Variants in GTPBP1 observed in about 807,000 individuals in gnomAD.
GTPBP1 encodes the protein GTP-binding protein 1.
GTPBP1 carries 23 observed loss-of-function variants against 62.0 expected under a neutral mutation model. That is an observed-to-expected ratio of 0.37 (90% CI 0.27 to 0.53). The LOEUF (loss-of-function observed/expected upper bound fraction) is 0.53, where lower values mean the gene tolerates loss of function less well. Among genes scored for constraint, GTPBP1 ranks in the 20% least tolerant of loss-of-function variants. The pLI is 0.89. For missense variants in GTPBP1, 640 were observed against 917.3 expected, an observed-to-expected ratio of 0.70 and a Z score of 3.90; for synonymous variants, 344 against 364.4, an observed-to-expected ratio of 0.94 and a Z score of 0.64.
At chr22:38,715,863 G>T (rs933439559) in intron 2 of GTPBP1, 44 bp from the exon 3 acceptor site, 13 of 1,542,112 alleles carry the variant, frequency 8.4e-6, no homozygotes, top group Non-Finnish European at 1.1e-5. Context: ...AGGCTGGTTG[G>T]TCAGGACTCC....
In GTPBP1 at chr22:38,716,146, C is replaced by T; in HGVS notation, c.485+59C>T. 3.6e-6 allele frequency: 5 copies of T among 1,378,018 alleles called. No homozygotes were observed. The highest frequency in any genetic ancestry group is 5.0e-6 in the Non-Finnish European group (5 of 991,598). 85.4% of individuals were successfully genotyped at this position (1,378,018 alleles called of 1,614,324 possible). On this transcript the variant is annotated intron_variant, in intron 3 of 11. Transcript: ENST00000216044. The surrounding 1 kb of genome is among the most constrained non-coding windows in gnomAD (Gnocchi z 5.2). ...TTCTTCACAGAGGTTGGTGACTGAG[C>T]CTGTGGCACTTGGCGTGTCAGCTCC...
downstream of GTPBP1, chr22:38,741,589 G>A (rs2145971130): frequency 1.2e-6 from 2 of 1,613,120 alleles, no homozygotes. Flanking sequence ...ACGGGAGTGA[G>A]AGGACAGGTT....
At chr22:38,717,194 C>T (rs1348172618) in intron 4 of GTPBP1, among the ~76,000 whole-genome samples, 194 bp downstream of exon 4, 1 of 152,176 alleles carries the variant, frequency 6.6e-6, no homozygotes, top group Non-Finnish European at 1.5e-5. Flanking sequence ...TTGATCTCTC[C>T]CTTACATTAG....
downstream of GTPBP1, chr22:38,738,698 C>T: frequency 6.2e-7 from 1 of 1,613,712 alleles, no homozygotes. The surrounding 1 kb of genome is among the most constrained non-coding windows in gnomAD (Gnocchi z 6.6). Context: ...AGAGGCGGAC[C>T]ACGGCGAAGC....
At position 38,726,177 on chromosome 22, in the gene GTPBP1, G is replaced by A. The variant is rs200037616; in HGVS notation, c.1218+27G>A. 58 of 1,609,254 alleles carry A rather than the reference G, an allele frequency of 3.6e-5. No homozygotes were observed. The highest frequency in any genetic ancestry group is 4.8e-5 in the Non-Finnish European group (57 of 1,176,080). Reference sequence around the variant, plus strand: ...TAAGTGGCTCTGGGCGGGTAGCTGGGTGGGCACTTCCTACAGTGGCATCAG... The same window carrying A: ...TAAGTGGCTCTGGGCGGGTAGCTGGATGGGCACTTCCTACAGTGGCATCAG... On this transcript the variant is annotated intron_variant, in intron 7 of 11. Transcript: ENST00000216044. The surrounding 1 kb of genome is among the most constrained non-coding windows in gnomAD (Gnocchi z 4.1).
At chr22:38,723,484 C>T in intron 5 of GTPBP1, 1 of 813,434 alleles carries the variant, frequency 1.2e-6, no homozygotes, top group Non-Finnish European at 2.1e-6. Context: ...CTCAGAGTAG[C>T]CTTCCCACAG....
At chr22:38,714,045 G>A (rs2092654932) in intron 2 of GTPBP1, among the ~76,000 whole-genome samples, 1 of 152,210 alleles carries the variant, frequency 6.6e-6, no homozygotes, top group Admixed American at 6.5e-5. Context: ...AGCGGGGGAC[G>A]GGGTGGGGAG....
At chr22:38,706,571 G>T in intron 1 of GTPBP1, 1 of 167,792 alleles carries the variant, frequency 6.0e-6, no homozygotes, top group East Asian at 1.6e-4. Context: ...ACAGCAGAGG[G>T]GCGAGGGGGC....
At chr22:38,741,685 T>G (rs1410219454), downstream of GTPBP1, 5 of 967,268 alleles carry the variant, frequency 5.2e-6, no homozygotes, top group African/African-American at 4.8e-5. Flanking sequence ...TCCAGAGCCC[T>G]GGCTCTCAGC....
chr22:38,721,295 C>A (rs981543112), intron 4 of GTPBP1, among the ~76,000 whole-genome samples: 1 of 152,198 alleles, frequency 6.6e-6, no homozygotes, highest in Admixed American at 6.5e-5. Flanking sequence ...TCAGGCTGGT[C>A]GCGAACTCCC....
Position 38,730,878 on chromosome 22 carries a change from G to A in GTPBP1, c.*174G>A, listed in dbSNP as rs542528174. 7 of 559,148 alleles carry A rather than the reference G, an allele frequency of 1.3e-5. No individual in the cohort carries two copies. Among genetic ancestry groups the A allele is most frequent in the South Asian group, 6.5e-5 (3 of 45,894 alleles). The allele number at this position is 559,148 out of a possible 1,614,324, so 34.6% of individuals were successfully genotyped here. Reference sequence around the variant, plus strand: ...GGGGGGTTGTAATTTATAAGCTGACGAAGGTAGCCAGACTTCCGGAGGACT... The same window carrying A: ...GGGGGGTTGTAATTTATAAGCTGACAAAGGTAGCCAGACTTCCGGAGGACT... On this transcript the variant is annotated 3_prime_UTR_variant, in exon 12 of 12. Coordinates refer to ENST00000216044, the MANE Select transcript of GTPBP1 (RefSeq NM_004286.5). The surrounding 1 kb of genome is among the most constrained non-coding windows in gnomAD (Gnocchi z 5.6).
Position 38,730,623 on chromosome 22 carries a change from C to T in GTPBP1, c.1929C>T (p.Ser643=). Residue 643 remains serine (S), a synonymous_variant, in exon 12 of 12, where the codon AGC becomes AGT. Transcript: ENST00000216044. The surrounding 1 kb of genome is among the most constrained non-coding windows in gnomAD (Gnocchi z 5.6). ...TCTCTCTCTTTCAGCCTAAGCCCAG[C>T]AGTGGAGGCCGGCGACGAGGGGGCC... The part of the protein sequence containing the change: ...SSNLQPQPKP[S]SGGRRRGGQR... 1 of 1,603,522 alleles carries T rather than the reference C, an allele frequency of 6.2e-7. No homozygotes were observed. Among genetic ancestry groups the T allele is most frequent in the Non-Finnish European group, 8.5e-7 (1 of 1,176,550 alleles).
rs1162772418 is a variant in GTPBP1, at chr22:38,731,011, TGTGTGTGTG to T, written c.*308_*316del. On this transcript the variant is annotated 3_prime_UTR_variant, in exon 12 of 12. Transcript: ENST00000216044. ...ATTATATGTCTCTGTCTCTCTCTAT[TGTGTGTGTG>T]TGTGTGTGTGTGTGTGTGTGTGTGT... The T allele has an allele frequency of 0.025, 1,516 of 60,460 alleles. 26 individuals carry two copies. Among genetic ancestry groups the T allele is most frequent in the African/African-American group, 0.09 (1,295 of 14,422 alleles). The allele number at this position is 60,460 out of a possible 1,614,324, so 3.7% of individuals were successfully genotyped here.
At chr22:38,729,872 C>G (rs1230451586) in intron 11 of GTPBP1, among the ~76,000 whole-genome samples, 2 of 152,164 alleles carry the variant, frequency 1.3e-5, no homozygotes, top group Non-Finnish European at 2.9e-5. Flanking sequence ...CCACCTGAAA[C>G]CAGTTTAATT....
intron 10 of GTPBP1, chr22:38,728,936 T>C (rs947670883): frequency 2.6e-5 from 4 of 152,928 alleles, no homozygotes; most frequent in East Asian, 1.9e-4. Flanking sequence ...TGTTTCCAGC[T>C]GAGGAGACAT....
intron 1 of GTPBP1, chr22:38,706,981 TCAGA>T (rs1400507035): frequency 6.6e-6 from 1 of 152,090 alleles, no homozygotes; most frequent in African/African-American, 2.4e-5. Context: ...AACTTGGGAG[TCAGA>T]CAGGGCTGGG....
At chr22:38,713,344 A>G (rs761835951) in intron 2 of GTPBP1, among the ~76,000 whole-genome samples, 6 of 152,134 alleles carry the variant, frequency 3.9e-5, no homozygotes, top group African/African-American at 7.2e-5. Context: ...ACTTGAAGTG[A>G]CGGCGTCAGA....
In GTPBP1 at chr22:38,715,754, A is replaced by T. The variant is rs548658288; in HGVS notation, c.305-153A>T. Reference sequence around the variant, plus strand: ...TCATGTTTTAACTTGGTGTGTGCCCAGGTTTTCTCTCAGGTAGAGAGGACC... The same window carrying T: ...TCATGTTTTAACTTGGTGTGTGCCCTGGTTTTCTCTCAGGTAGAGAGGACC... On this transcript the variant is annotated intron_variant, in intron 2 of 11. Coordinates refer to ENST00000216044, the MANE Select transcript of GTPBP1 (RefSeq NM_004286.5). Among the ~76,000 whole-genome samples, 3 of 152,128 alleles carry T rather than the reference A, an allele frequency of 2.0e-5. No homozygotes were observed. The South Asian group carries it at 6.2e-4, about 32-fold the overall frequency.
At chr22:38,719,052 C>G (rs531752250) in intron 4 of GTPBP1, among the ~76,000 whole-genome samples, 2 of 152,152 alleles carry the variant, frequency 1.3e-5, no homozygotes, top group African/African-American at 2.4e-5. Flanking sequence ...TTCGCCCAGA[C>G]TGGAGTGCAG....
Sources: allele counts gnomAD v4.1 joint callset (sites outside exome capture counted in the v4.1 genomes callset), GRCh38; gene constraint gnomAD v4.1.1; non-coding constraint Gnocchi (gnomAD v3.1); transcripts MANE v1.5; gene names NCBI Gene and HGNC (gene_info 2026-07-23, HGNC 2026-07-21).